Variants in MORC4 observed in about 807,000 individuals in gnomAD.
The protein encoded by MORC4 is MORC family CW-type zinc finger 4.
A neutral mutation model predicts 65.5 loss-of-function variants in MORC4; 22 were observed. The observed-to-expected ratio is 0.34, with a 90% confidence interval of 0.24 to 0.48. The LOEUF is 0.48. MORC4 is among the 20% of genes least tolerant of loss of function. The probability of loss-of-function intolerance (pLI) is 0.99; values close to 1 mark genes in which losing one functional copy is unlikely to be tolerated. For synonymous variants in MORC4, 267 were observed against 255.8 expected (o/e 1.04, Z -0.42); for missense variants, 624 against 703.0 (o/e 0.89, Z 1.27).
intron 10 of MORC4, among the ~76,000 whole-genome samples, chrX:106,959,623 T>C: frequency 9.0e-6 from 1 of 111,614 alleles, no homozygotes; most frequent in Non-Finnish European, 1.9e-5. Context: ...CTACAACCTC[T>C]GCCTCCTGGG....
At chrX:106,966,500 G>A (rs1188162395) in intron 9 of MORC4, among the ~76,000 whole-genome samples, 1 of 112,803 alleles carries the variant, frequency 8.9e-6, no homozygotes. Context: ...ACGGGGAAAC[G>A]CAAGAGGTCA....
rs762110163 is a variant in MORC4 at position 106,984,465 on chromosome X, C to CTTTTTT, written c.674+625_674+630dup. ...TCAAACAACTCTGTTTTTCTTTTTT[C>CTTTTTT]TTTTTTTTTTTTTTTTTTTTTTGAG... On this transcript the variant is annotated intron_variant, in intron 5 of 16. Coordinates refer to ENST00000355610, the MANE Select transcript of MORC4 (RefSeq NM_024657.5). 7.7e-4 allele frequency among the ~76,000 whole-genome samples: 55 copies of CTTTTTT among 71,372 alleles called. 1 individual carries two copies. The highest frequency in any genetic ancestry group is 9.4e-4 in the African/African-American group (15 of 15,983). The allele number at this position is 71,372 out of a possible 115,157, so 62.0% of individuals were successfully genotyped here.
intron 9 of MORC4, among the ~76,000 whole-genome samples, chrX:106,975,645 C>T (rs1025934784): frequency 2.7e-5 from 3 of 110,971 alleles, no homozygotes; most frequent in East Asian, 2.8e-4. Context: ...GGAAAATGAC[C>T]GCAAATGTCC....
chrX:106,985,465 GTCTTATATTTAAAAGA>G (rs921353874), intron 4 of MORC4, among the ~76,000 whole-genome samples: 1 of 111,819 alleles, frequency 8.9e-6, no homozygotes, highest in African/African-American at 3.3e-5. Flanking sequence ...TGTAAACAAA[GTCTTATATTTAAAAGA>G]TCAAAGGCTT....
intron 9 of MORC4, among the ~76,000 whole-genome samples, chrX:106,969,840 C>T (rs779676908): frequency 2.9e-4 from 32 of 111,448 alleles, no homozygotes; most frequent in Non-Finnish European, 5.3e-4. Context: ...AATTAATAGC[C>T]TACCAACCAA....
chrX:106,945,185 G>C (rs1228165711), intron 14 of MORC4, among the ~76,000 whole-genome samples: 3 of 111,346 alleles, frequency 2.7e-5, no homozygotes, highest in Non-Finnish European at 1.9e-5. Context: ...GGGATGCTCA[G>C]GAAGAAGTTA....
intron 9 of MORC4, among the ~76,000 whole-genome samples, chrX:106,963,319 A>T (rs1175310750): frequency 8.9e-6 from 1 of 111,817 alleles, no homozygotes; most frequent in Admixed American, 9.5e-5. Context: ...GAAACTCTGG[A>T]GTCTATTGGA....
Position 106,942,700 on chromosome X carries a change from C to A in MORC4, c.2191G>T (p.Val731Leu). ...GCAGCAGAGGCCACAGAATAAGGCA[C>A]TGGGTTCCAGGATTCAACTGCTTTT... is the stretch of plus-strand genomic sequence containing the variant. ...RRKAVESWNPVPYSVASAAIP... is the reference protein window; with the variant it reads ...RRKAVESWNPLPYSVASAAIP... The change falls in exon 15 of 17, where the codon GTG becomes TTG. Residue 731 changes from valine (V) to leucine (L), a missense_variant. Coordinates refer to ENST00000355610, the MANE Select transcript of MORC4 (RefSeq NM_024657.5). 1 of 1,211,714 alleles carries A rather than the reference C, an allele frequency of 8.3e-7. No individual in the cohort carries two copies. The highest frequency in any genetic ancestry group is 1.1e-6 in the Non-Finnish European group (1 of 895,482).
At chrX:106,956,613 GT>G in intron 12 of MORC4, 79 bp from the exon 13 acceptor site, 1 of 839,675 alleles carries the variant, frequency 1.2e-6, no homozygotes, top group Non-Finnish European at 1.8e-6. Flanking sequence ...GTAGATTTAG[GT>G]TATAATGTTC....
intron 9 of MORC4, among the ~76,000 whole-genome samples, chrX:106,962,884 C>A (rs1402897283): frequency 8.9e-6 from 1 of 112,094 alleles, no homozygotes; most frequent in South Asian, 3.7e-4. Context: ...GAGCTACACA[C>A]AACTGGAAAA....
At chrX:106,952,676 C>T (rs907483202) in intron 14 of MORC4, among the ~76,000 whole-genome samples, 14 of 111,764 alleles carry the variant, frequency 1.3e-4, no homozygotes, top group Non-Finnish European at 1.9e-4. Flanking sequence ...ACACCTGTGG[C>T]GCCCCTGCTA....
rs1413846579 is a variant in MORC4 at position 106,941,509 on chromosome X, C to T, written c.2784G>A (p.Thr928=). 1.1e-5 allele frequency: 13 copies of T among 1,206,132 alleles called. No homozygotes were observed. Among genetic ancestry groups the T allele is most frequent in the South Asian group, 1.1e-4 (6 of 56,293 alleles). The change falls in exon 17 of 17, where the codon ACG becomes ACA. Residue 928 remains threonine, a synonymous_variant. Coordinates refer to ENST00000355610, the MANE Select transcript of MORC4 (RefSeq NM_024657.5). Reference sequence around the variant, plus strand: ...CCAGTATGTGATTTGCCTCCAGCACCGTGTACAGGATCCCATCCACTTGTT... The same window carrying T: ...CCAGTATGTGATTTGCCTCCAGCACTGTGTACAGGATCCCATCCACTTGTT... The part of the protein sequence containing the change: ...DSEQVDGILY[T]VLEANHILD
chrX:106,948,938 T>A (rs929668119), intron 14 of MORC4, among the ~76,000 whole-genome samples: 1 of 111,857 alleles, frequency 8.9e-6, no homozygotes, highest in Non-Finnish European at 1.9e-5. Flanking sequence ...TTCCTAGATG[T>A]ATACATTAAT....
intron 14 of MORC4, among the ~76,000 whole-genome samples, chrX:106,950,023 G>A (rs989728513): frequency 8.9e-6 from 1 of 111,936 alleles, no homozygotes; most frequent in African/African-American, 3.3e-5. Flanking sequence ...TAAACCCCTA[G>A]TGCCAGTGAG....
intron 9 of MORC4, among the ~76,000 whole-genome samples, chrX:106,962,480 GGAGTTATTT>G (rs1250186430): frequency 1.8e-5 from 2 of 111,934 alleles, no homozygotes; most frequent in Non-Finnish European, 3.8e-5. Context: ...AAGTTGATGG[GGAGTTATTT>G]GATTGTCAGA....
Position 106,954,979 on chromosome X carries a change from C to A in MORC4, c.1619G>T (p.Gly540Val), listed in dbSNP as rs1210027263. The change falls in exon 14 of 17, where the codon GGA (glycine) becomes GTA (valine). Residue 540 changes from glycine (G) to valine (V), a missense_variant. Gly to Val is a moderately radical substitution (Grantham distance 109). Coordinates refer to ENST00000355610, the MANE Select transcript of MORC4 (RefSeq NM_024657.5). ...IHSPSVLPSG[G>V]EESRSPSLQL... ...AAGAGATGGTGATCTGCTTTCTTCT[C>A]CACCAGAAGGAAGCACACTAGGGCT... The A allele has an allele frequency of 8.3e-7, 1 of 1,207,277 alleles. No individual in the cohort carries two copies. The highest frequency in any genetic ancestry group is 3.0e-5 in the East Asian group (1 of 33,809).
intron 2 of MORC4, among the ~76,000 whole-genome samples, chrX:106,996,750 G>A (rs1935088112): frequency 8.9e-6 from 1 of 112,001 alleles, no homozygotes; most frequent in South Asian, 3.7e-4. Context: ...AAGCCCATGT[G>A]CTACCAGATC....
At chrX:106,947,133 A>G (rs918495764) in intron 14 of MORC4, among the ~76,000 whole-genome samples, 2 of 110,483 alleles carry the variant, frequency 1.8e-5, no homozygotes, top group African/African-American at 6.6e-5. Flanking sequence ...TAATTTCCAT[A>G]TATTTGTGCA....
intron 9 of MORC4, among the ~76,000 whole-genome samples, chrX:106,974,647 T>C (rs183962142): frequency 8.9e-6 from 1 of 111,822 alleles, no homozygotes; most frequent in Admixed American, 9.5e-5. Flanking sequence ...TACAAATGAC[T>C]GTAAGCTCCA....
Sources: allele counts gnomAD v4.1 joint callset (sites outside exome capture counted in the v4.1 genomes callset), GRCh38; gene constraint gnomAD v4.1.1; transcripts MANE v1.5; gene names NCBI Gene and HGNC (gene_info 2026-07-23, HGNC 2026-07-21).